Variants in SNX19 observed in about 807,000 individuals in gnomAD.
The protein encoded by SNX19 is sorting nexin 19.
In SNX19, 60 loss-of-function variants were observed where a neutral mutation model predicts 85.2. The observed-to-expected ratio is 0.70, with a 90% CI of 0.57 to 0.87. SNX19 has a LOEUF of 0.87. Ranked by LOEUF, SNX19 falls within the 40% of genes least tolerant of loss-of-function variation. The probability of loss-of-function intolerance (pLI) is 0.00; values close to 1 mark genes in which losing one functional copy is unlikely to be tolerated. For missense variants in SNX19, 1,201 were observed against 1,217.8 expected, an observed-to-expected ratio of 0.99 and a Z score of 0.21; for synonymous variants, 520 against 470.0, an observed-to-expected ratio of 1.11 and a Z score of -1.38.
rs1244803610 is a variant in SNX19 at position 130,879,708 on chromosome 11, A to C, written c.2762T>G (p.Leu921Arg). The C allele has an allele frequency of 5.6e-6, 9 of 1,613,690 alleles. No individual in the cohort carries two copies. The East Asian group carries it at 2.0e-4, about 36-fold the overall frequency. The change falls in exon 10 of 11, where the codon CTC becomes CGC. Residue 921 changes from leucine (L) to arginine (R), a missense_variant. Leu to Arg is a moderately radical substitution (Grantham distance 102). Coordinates refer to ENST00000265909, the MANE Select transcript of SNX19 (RefSeq NM_014758.3). Reference protein sequence around the residue: ...LQSLMGVLPDLVVEILGVNKC... With the variant: ...LQSLMGVLPDRVVEILGVNKC... ...GTTCACCCCAAGAATTTCTACTACG[A>C]GATCTGAGGAGGAAAAAACAGATGG...
chr11:130,898,268 T>C (rs1209416448), intron 8 of SNX19, among the ~76,000 whole-genome samples: 1 of 151,922 alleles, frequency 6.6e-6, no homozygotes, highest in Non-Finnish European at 1.5e-5. Context: ...GTATACAAAG[T>C]TGGAAGCAGA....
intron 8 of SNX19, among the ~76,000 whole-genome samples, chr11:130,882,326 C>T (rs752632203): frequency 1.6e-4 from 25 of 152,332 alleles, no homozygotes; most frequent in Non-Finnish European, 3.5e-4. Context: ...CATCACTCCT[C>T]GCTCCTATAC....
In SNX19 at chr11:130,866,404, T is replaced by A. The variant is rs970112276; in HGVS notation, c.*12018A>T. 8 of 152,180 alleles carry A rather than the reference T, an allele frequency of 5.3e-5. No individual in the cohort carries two copies. Among genetic ancestry groups the A allele is most frequent in the Admixed American group, 5.2e-4 (8 of 15,282 alleles). The allele number at this position is 152,180 out of a possible 1,614,324, so 9.4% of individuals were successfully genotyped here. On this transcript the variant is annotated 3_prime_UTR_variant, in exon 11 of 11. Coordinates refer to ENST00000265909, the MANE Select transcript of SNX19 (RefSeq NM_014758.3). ...TAAGACAAATGGTCAAATATTCAAA[T>A]GGCCTGGCACTAGTGGTAATTCCAG...
chr11:130,897,648 CT>C (rs1944969618), intron 8 of SNX19, among the ~76,000 whole-genome samples: 1 of 152,212 alleles, frequency 6.6e-6, no homozygotes, highest in African/African-American at 2.4e-5. Context: ...AATCCTACCC[CT>C]TACCTTGGCT....
chr11:130,878,126 C>A lies in SNX19; in HGVS notation c.*296G>T, dbSNP rs1471981852. The stretch of plus-strand genomic sequence containing the variant: ...TCAGGGAGGATGGCAAAAGGAGAAG[C>A]AAAAGGGGTTCATTCCTCTACCTCA... On this transcript the variant is annotated 3_prime_UTR_variant, in exon 11 of 11. Coordinates refer to ENST00000265909, the MANE Select transcript of SNX19 (RefSeq NM_014758.3). 1.3e-5 allele frequency: 3 copies of A among 227,884 alleles called. No individual in the cohort carries two copies. The highest frequency in any genetic ancestry group is 5.1e-5 in the Admixed American group (1 of 19,476). 14.1% of individuals were successfully genotyped at this position (227,884 alleles called of 1,614,324 possible).
At chr11:130,887,266 G>A (rs10791103) in intron 8 of SNX19, among the ~76,000 whole-genome samples, 66,370 of 152,042 alleles carry the variant, frequency 0.44, 14,785 homozygotes, top group South Asian at 0.56. Context: ...GGATTCTTAA[G>A]GAAGGAACTT....
rs1170450482 is a variant in SNX19 at position 130,914,931 on chromosome 11, C to T, written c.1009G>A (p.Glu337Lys). The T allele has an allele frequency of 6.2e-7, 1 of 1,614,248 alleles. No individual in the cohort carries two copies. The highest frequency in any genetic ancestry group is 8.5e-7 in the Non-Finnish European group (1 of 1,180,046). The part of the protein sequence containing the change: ...PEVEEGHEAV[E>K]GDLGGMCEER... ...TCACACATCCCACCCAAATCTCCCTCTACAGCTTCGTGGCCTTCTTCAACC... is the reference window on the plus strand; with the variant it reads ...TCACACATCCCACCCAAATCTCCCTTTACAGCTTCGTGGCCTTCTTCAACC... The change falls in exon 1 of 11, where the codon GAG becomes AAG. Residue 337 changes from glutamate to lysine, a missense_variant. Transcript: ENST00000265909.
intron 8 of SNX19, among the ~76,000 whole-genome samples, chr11:130,896,637 T>C (rs10736591): frequency 0.64 from 96,633 of 152,008 alleles, 30,991 homozygotes; most frequent in South Asian, 0.8. Flanking sequence ...TAAGGTGTGG[T>C]TGTTACGACT....
intron 6 of SNX19, among the ~76,000 whole-genome samples, chr11:130,906,353 A>AT (rs1029634990): frequency 8.7e-4 from 131 of 151,258 alleles, no homozygotes; most frequent in South Asian, 1.1e-3. Context: ...TTGGTCATCC[A>AT]TTTTTTTTTC....
At position 130,880,689 on chromosome 11, in the gene SNX19, T is replaced by TA; in HGVS notation, c.2690dup (p.Arg898LysfsTer10). The TA allele has an allele frequency of 6.2e-7, 1 of 1,612,582 alleles. No individual in the cohort carries two copies. The highest frequency in any genetic ancestry group is 1.1e-5 in the South Asian group (1 of 90,898). Reference sequence around the variant, plus strand: ...CAGCCAGTTTCTGCTCTTGGGTCCTTACGGGCCGTGGAAACTTAGGCAAAA... The same window carrying TA: ...CAGCCAGTTTCTGCTCTTGGGTCCTTAACGGGCCGTGGAAACTTAGGCAAAA... On this transcript the variant is annotated frameshift_variant, in exon 9 of 11. Coordinates refer to ENST00000265909, the MANE Select transcript of SNX19 (RefSeq NM_014758.3). LOFTEE classifies it high-confidence loss of function.
intron 8 of SNX19, among the ~76,000 whole-genome samples, chr11:130,889,660 G>C (rs1368386374): frequency 6.6e-6 from 1 of 151,978 alleles, no homozygotes; most frequent in African/African-American, 2.4e-5. Flanking sequence ...TCCTTTCTGT[G>C]TCAGCTGTTT....
At chr11:130,910,644 ACT>A (rs1946033532) in intron 2 of SNX19, among the ~76,000 whole-genome samples, 1 of 152,010 alleles carries the variant, frequency 6.6e-6, no homozygotes, top group East Asian at 1.9e-4. Flanking sequence ...TATCTTTCTG[ACT>A]CTGTTTCTCT....
At chr11:130,885,261 A>G (rs1943976670) in intron 8 of SNX19, among the ~76,000 whole-genome samples, 1 of 152,222 alleles carries the variant, frequency 6.6e-6, no homozygotes, top group East Asian at 1.9e-4. Context: ...ACAGGGGAGA[A>G]GAAAGGATGT....
Position 130,880,824 on chromosome 11 carries a change from C to A in SNX19, c.2574-18G>T. ...CTAGCCACCTGTGGTAGAAGAGAGA[C>A]GAAAGCTTAGATAAAGCTGAAGGAA... On this transcript the variant is annotated intron_variant, in intron 8 of 10. Coordinates refer to ENST00000265909, the MANE Select transcript of SNX19 (RefSeq NM_014758.3). 2 of 1,528,328 alleles carry A rather than the reference C, an allele frequency of 1.3e-6. No homozygotes were observed. The highest frequency in any genetic ancestry group is 1.4e-5 in the African/African-American group (1 of 73,460). 94.7% of individuals were successfully genotyped at this position (1,528,328 alleles called of 1,614,324 possible).
At chr11:130,886,392 T>C (rs1382190726) in intron 8 of SNX19, among the ~76,000 whole-genome samples, 1 of 152,164 alleles carries the variant, frequency 6.6e-6, no homozygotes, top group Admixed American at 6.5e-5. Context: ...TTTTTTACTG[T>C]AGGTTGAAGT....
rs1193966641 is a variant in SNX19, at chr11:130,915,926, G to A, written c.14C>T (p.Thr5Ile). 3 of 1,613,630 alleles carry A rather than the reference G, an allele frequency of 1.9e-6. No homozygotes were observed. The highest frequency in any genetic ancestry group is 2.7e-5 in the African/African-American group (2 of 74,906). The change falls in exon 1 of 11, where the codon ACA (threonine) becomes ATA (isoleucine). Residue 5 changes from threonine (T) to isoleucine (I), a missense_variant. By Grantham distance (89) the Thr-to-Ile change is moderately conservative. Around this residue, in one of 3 missense-constraint regions of SNX19, gnomAD observed 791 missense variants for 750.9 expected, o/e 1.05. Coordinates refer to ENST00000265909, the MANE Select transcript of SNX19 (RefSeq NM_014758.3). Reference protein sequence around the residue: MKTETVPPFQETPAG... With the variant: MKTEIVPPFQETPAG... ...TGGAGTTTCCTGGAACGGTGGCACT[G>A]TTTCTGTCTTCATGGCTGAACGGAC...
At chr11:130,895,235 C>A (rs946591456) in intron 8 of SNX19, 53 of 985,312 alleles carry the variant, frequency 5.4e-5, no homozygotes, top group Non-Finnish European at 6.3e-5. Flanking sequence ...CGTACCATGG[C>A]TCTGGGAATC....
Position 130,911,705 on chromosome 11 carries a change from G to T in SNX19, c.1741C>A (p.Arg581Ser), listed in dbSNP as rs750831805. The change falls in exon 2 of 11, where the codon CGT becomes AGT. Residue 581 changes from arginine to serine, a missense_variant. By Grantham distance (110) the Arg-to-Ser change is moderately radical. Around this residue, in one of 3 missense-constraint regions of SNX19, gnomAD observed 791 missense variants for 750.9 expected, o/e 1.05. Coordinates refer to ENST00000265909, the MANE Select transcript of SNX19 (RefSeq NM_014758.3). Reference protein sequence around the residue: ...LQQLAYHTVNRRYREFLNLQT... With the variant: ...LQQLAYHTVNSRYREFLNLQT... Reference sequence around the variant, plus strand: ...AGATTCAAGAACTCCCGATAGCGACGATTCACAGTGTGGTAGGCCAGCTGC... The same window carrying T: ...AGATTCAAGAACTCCCGATAGCGACTATTCACAGTGTGGTAGGCCAGCTGC... The T allele has an allele frequency of 6.2e-7, 1 of 1,614,128 alleles. No homozygotes were observed. The highest frequency in any genetic ancestry group is 8.5e-7 in the Non-Finnish European group (1 of 1,180,018).
chr11:130,910,530 C>T (rs973162000), intron 2 of SNX19, among the ~76,000 whole-genome samples, 160 bp from the exon 3 acceptor site: 1 of 152,078 alleles, frequency 6.6e-6, no homozygotes, highest in East Asian at 1.9e-4. Flanking sequence ...CCATATGATC[C>T]ATATAACACT....
Sources: allele counts gnomAD v4.1 joint callset (sites outside exome capture counted in the v4.1 genomes callset), GRCh38; gene constraint gnomAD v4.1.1; regional missense constraint gnomAD v4.1.1; transcripts MANE v1.5; gene names NCBI Gene and HGNC (gene_info 2026-07-23, HGNC 2026-07-21).